The following STK4 variants were observed in gnomAD, a reference collection of about 807,000 sequenced individuals.
STK4 encodes the protein serine/threonine-protein kinase 4.
A neutral mutation model predicts 64.9 loss-of-function variants in STK4; 30 were observed. The observed-to-expected ratio is 0.46, with a 90% CI of 0.35 to 0.63. STK4 has a LOEUF of 0.63. Ranked by LOEUF, STK4 falls within the 20% of genes least tolerant of loss-of-function variation. STK4 has a pLI of 0.01. For missense variants in STK4, 466 were observed against 598.5 expected (o/e 0.78, Z 2.31); for synonymous variants, 177 against 199.0 (o/e 0.89, Z 0.93).
At chr20:45,055,369 T>TC (rs1978376647) in intron 10 of STK4, among the ~76,000 whole-genome samples, 4 of 152,212 alleles carry the variant, frequency 2.6e-5, no homozygotes, top group African/African-American at 9.7e-5. Context: ...CTCTGCCGCT[T>TC]CCCAAGACAT....
intron 9 of STK4, among the ~76,000 whole-genome samples, chr20:45,009,608 G>A (rs905262511): frequency 1.3e-5 from 2 of 152,162 alleles, no homozygotes; most frequent in Admixed American, 6.5e-5. Context: ...TATGGAATCT[G>A]TAAATTGCTT....
intron 10 of STK4, among the ~76,000 whole-genome samples, chr20:45,033,640 C>T (rs770682721): frequency 2.4e-4 from 36 of 152,076 alleles, no homozygotes; most frequent in Non-Finnish European, 4.1e-4. Flanking sequence ...AATGCAGTGG[C>T]GTGATCTCAA....
intron 7 of STK4, among the ~76,000 whole-genome samples, chr20:45,000,000 A>G (rs1274651771): frequency 1.3e-5 from 2 of 152,228 alleles, no homozygotes; most frequent in Non-Finnish European, 2.9e-5. Flanking sequence ...GCCACAGTTC[A>G]TGGTCGTACA....
chr20:45,006,843 A>G (rs933099967), intron 9 of STK4, among the ~76,000 whole-genome samples: 5 of 152,128 alleles, frequency 3.3e-5, no homozygotes, highest in African/African-American at 4.8e-5. Context: ...TTATGCTGGG[A>G]ATTGAGTTCT....
chr20:45,032,154 G>C (rs2145401126), intron 10 of STK4, among the ~76,000 whole-genome samples: 1 of 152,212 alleles, frequency 6.6e-6, no homozygotes, highest in South Asian at 2.1e-4. Context: ...TGACATTTCA[G>C]TTAGACAAAA....
Position 44,995,193 on chromosome 20 carries a change from T to C in STK4, c.629T>C (p.Leu210Pro). The C allele has an allele frequency of 6.2e-7, 1 of 1,613,874 alleles. No individual in the cohort carries two copies. Among genetic ancestry groups the C allele is most frequent in the South Asian group, 1.1e-5 (1 of 91,042 alleles). ...GYNCVADIWS[L>P]GITAIEMAEG... ...AACTGTGTAGCAGACATCTGGTCCCTGGGAATAACTGCCATAGAAATGGCT... is the reference window on the plus strand; with the variant it reads ...AACTGTGTAGCAGACATCTGGTCCCCGGGAATAACTGCCATAGAAATGGCT... The change falls in exon 6 of 11, where the codon CTG becomes CCG. Residue 210 changes from leucine (L) to proline (P), a missense_variant. Physicochemically the swap from Leu to Pro is moderately conservative, Grantham distance 98. Around this residue, in one of 2 missense-constraint regions of STK4, gnomAD observed 190 missense variants for 289.7 expected, o/e 0.66. Transcript: ENST00000372806.
chr20:45,034,105 C>G (rs1224113679), intron 10 of STK4, among the ~76,000 whole-genome samples: 1 of 151,628 alleles, frequency 6.6e-6, no homozygotes, highest in Non-Finnish European at 1.5e-5. Flanking sequence ...TAATTCAGAA[C>G]CTGTGGGAGG....
At chr20:45,026,646 G>T (rs961057831) in intron 10 of STK4, among the ~76,000 whole-genome samples, 4 of 152,192 alleles carry the variant, frequency 2.6e-5, no homozygotes, top group African/African-American at 9.7e-5. Flanking sequence ...TGAGTGGAAT[G>T]AAAGACCATT....
intron 2 of STK4, chr20:44,973,010 T>TGTGA (rs2067277509): frequency 6.6e-6 from 1 of 152,052 alleles, no homozygotes; most frequent in Non-Finnish European, 1.5e-5. Flanking sequence ...GCTATGTGTG[T>TGTGA]GCGAGCGCAC....
chr20:44,972,674 A>G (rs1367304851), intron 2 of STK4: 3 of 152,490 alleles, frequency 2.0e-5, no homozygotes, highest in Non-Finnish European at 1.5e-5. Context: ...ATGAAATGAT[A>G]TTAGTAATGT....
At chr20:45,066,929 ATCT>A (rs1979625167) in intron 10 of STK4, among the ~76,000 whole-genome samples, 1 of 152,060 alleles carries the variant, frequency 6.6e-6, no homozygotes, top group Non-Finnish European at 1.5e-5. Flanking sequence ...TTTGATTGTC[ATCT>A]TCTTTGATTT....
chr20:45,036,998 T>C (rs1219596404), intron 10 of STK4, among the ~76,000 whole-genome samples: 1 of 152,192 alleles, frequency 6.6e-6, no homozygotes, highest in African/African-American at 2.4e-5. Flanking sequence ...TGACTACAGT[T>C]ATACAGACAG....
chr20:45,049,235 A>T (rs2068742193), intron 10 of STK4, among the ~76,000 whole-genome samples: 3 of 152,154 alleles, frequency 2.0e-5, no homozygotes, highest in Non-Finnish European at 4.4e-5. Context: ...CCCACTAGTC[A>T]CTTCCATTTG....
chr20:45,077,031 C>G lies in STK4; in HGVS notation c.*1855C>G, dbSNP rs903198374. ...TATATCAGGCACTGAGCTGGGTAGG[C>G]TCTAAACTTCACAATAACCCTGTGA... On this transcript the variant is annotated 3_prime_UTR_variant, in exon 11 of 11. Coordinates refer to ENST00000372806, the MANE Select transcript of STK4 (RefSeq NM_006282.5). 6.6e-6 allele frequency: 1 copy of G among 152,200 alleles called. No homozygotes were observed. The highest frequency in any genetic ancestry group is 1.5e-5 in the Non-Finnish European group (1 of 68,036). 9.4% of individuals were successfully genotyped at this position (152,200 alleles called of 1,614,324 possible). A position where few individuals can be genotyped will look rare whatever the true frequency, so the allele number is the denominator to read the frequency against.
chr20:45,058,158 C>G (rs1336316620), intron 10 of STK4, among the ~76,000 whole-genome samples: 1 of 151,694 alleles, frequency 6.6e-6, no homozygotes, highest in Admixed American at 6.6e-5. Context: ...GACTTTATGG[C>G]CATTATAAAA....
intron 10 of STK4, among the ~76,000 whole-genome samples, chr20:45,067,653 T>C (rs1456022661): frequency 2.0e-5 from 3 of 152,242 alleles, no homozygotes; most frequent in Admixed American, 2.0e-4. Context: ...GTCAGTGTAA[T>C]TCCTTTGAAT....
intron 5 of STK4, among the ~76,000 whole-genome samples, chr20:44,991,217 T>C (rs1306902304): frequency 6.6e-6 from 1 of 151,784 alleles, no homozygotes; most frequent in Non-Finnish European, 1.5e-5. Context: ...TGTATGGATA[T>C]AGCATGATTT....
At chr20:44,988,541 A>G (rs868472604) in intron 5 of STK4, among the ~76,000 whole-genome samples, 20,206 of 123,192 alleles carry the variant, frequency 0.16, 2,036 homozygotes, top group East Asian at 0.22. Flanking sequence ...GTGTATATAT[A>G]TATATATATA....
intron 2 of STK4, chr20:44,974,933 C>T (rs1016118036): frequency 7.9e-5 from 12 of 152,266 alleles, no homozygotes; most frequent in Admixed American, 7.8e-4. Context: ...AGCCAAAGCT[C>T]CAGACCAGGA....
Sources: allele counts gnomAD v4.1 joint callset (sites outside exome capture counted in the v4.1 genomes callset), GRCh38; gene constraint gnomAD v4.1.1; regional missense constraint gnomAD v4.1.1; transcripts MANE v1.5; gene names NCBI Gene and HGNC (gene_info 2026-07-23, HGNC 2026-07-21).